PDE1A: variants seen among roughly 807,000 people sequenced by gnomAD.
The protein encoded by PDE1A is dual specificity calcium/calmodulin-dependent 3',5'-cyclic nucleotide phosphodiesterase 1A.
In PDE1A, 35 loss-of-function variants were observed where a neutral mutation model predicts 61.7. The ratio of observed to expected loss-of-function variants is 0.57; its 90% CI spans 0.43 to 0.75. The LOEUF is 0.75. Ranked by LOEUF, PDE1A falls within the 30% of genes least tolerant of loss-of-function variation. The probability of loss-of-function intolerance (pLI) is 0.00; values close to 1 mark genes in which losing one functional copy is unlikely to be tolerated. For missense variants in PDE1A, 597 were observed against 630.6 expected (o/e 0.95, Z 0.57); for synonymous variants, 232 against 213.2 (o/e 1.09, Z -0.77).
the PDE1A span, among the ~76,000 whole-genome samples, chr2:182,617,889 C>T: frequency 6.6e-6 from 1 of 152,190 alleles, no homozygotes; most frequent in South Asian, 2.1e-4. Context: ...TCTCTTAAGA[C>T]CTTACACCCA....
intron 1 of PDE1A, among the ~76,000 whole-genome samples, chr2:182,311,865 G>A (rs1695998120): frequency 6.6e-6 from 1 of 152,110 alleles, no homozygotes; most frequent in African/African-American, 2.4e-5. Context: ...TTTTCCCAAA[G>A]TGACTGTACT....
chr2:182,597,599 C>A, the PDE1A span, among the ~76,000 whole-genome samples: 1 of 152,104 alleles, frequency 6.6e-6, no homozygotes, highest in South Asian at 2.1e-4. Context: ...TTCCACAATA[C>A]CCACCTCGTA....
At chr2:182,273,594 G>A (rs1693193790) in intron 1 of PDE1A, among the ~76,000 whole-genome samples, 2 of 152,168 alleles carry the variant, frequency 1.3e-5, no homozygotes, top group African/African-American at 4.8e-5. Context: ...AGTGAAAAGA[G>A]AAAGAGAAAT....
intron 13 of PDE1A, among the ~76,000 whole-genome samples, chr2:182,184,654 G>T (rs181390521): frequency 6.6e-6 from 1 of 152,186 alleles, no homozygotes; most frequent in Admixed American, 6.5e-5. Context: ...ATATCATAAG[G>T]GTAAATATGT....
intron 2 of PDE1A, among the ~76,000 whole-genome samples, chr2:182,437,384 T>C (rs1446345144): frequency 6.6e-6 from 1 of 151,952 alleles, no homozygotes; most frequent in East Asian, 1.9e-4. Context: ...TAAAACTCTC[T>C]ACCTTTTCTC....
chr2:182,392,725 G>T (rs1331622592), intron 1 of PDE1A, among the ~76,000 whole-genome samples: 1 of 152,266 alleles, frequency 6.6e-6, no homozygotes, highest in East Asian at 1.9e-4. Flanking sequence ...GGAGAAATTG[G>T]CCAAAATGAA....
In PDE1A at chr2:182,351,232, A is replaced by G. The variant is rs371964511; in HGVS notation, c.53+75346T>C. 9.8e-5 allele frequency among the ~76,000 whole-genome samples: 15 copies of G among 152,320 alleles called. No homozygotes were observed. In the East Asian group the frequency reaches 2.7e-3, roughly 27 times the overall value. On this transcript the variant is annotated intron_variant, in intron 1 of 13. Coordinates refer to ENST00000351439, the Ensembl canonical transcript of PDE1A. ...TTTGTCCTCTTAGTTCATTGCTTCT[A>G]CAGCTTAACCTGTGTTTCCCAAAGT...
rs111517195 is a variant in PDE1A, at chr2:182,247,657, A to T, written c.168-7365T>A. 1.5e-3 allele frequency among the ~76,000 whole-genome samples: 224 copies of T among 152,360 alleles called. 2 individuals are homozygous for T. Among genetic ancestry groups the T allele is most frequent in the African/African-American group, 5.0e-3 (209 of 41,584 alleles). On this transcript the variant is annotated intron_variant, in intron 2 of 13. Transcript: ENST00000351439. Reference sequence around the variant, plus strand: ...GCTAGACAGTGCAGGAACAAAAACTATAATGTAATATGGACTAGTCATTGT... The same window carrying T: ...GCTAGACAGTGCAGGAACAAAAACTTTAATGTAATATGGACTAGTCATTGT...
chr2:182,540,385 A>AG, the PDE1A span, among the ~76,000 whole-genome samples: 1 of 50,632 alleles, frequency 2.0e-5, no homozygotes, highest in African/African-American at 5.3e-5. Flanking sequence ...AAAAAAAAAA[A>AG]GCAGCAGCAG....
At chr2:182,406,984 C>G (rs1702334262) in intron 1 of PDE1A, among the ~76,000 whole-genome samples, 1 of 151,980 alleles carries the variant, frequency 6.6e-6, no homozygotes. Flanking sequence ...TTTAAATATT[C>G]ATGTTCAGTA....
At chr2:182,157,998 AC>A (rs1478883197) in intron 13 of PDE1A, among the ~76,000 whole-genome samples, 2 of 152,204 alleles carry the variant, frequency 1.3e-5, no homozygotes, top group Non-Finnish European at 2.9e-5. Flanking sequence ...TTGGCTTCTT[AC>A]AAAAGTCTTT....
At chr2:182,653,939 A>G in the PDE1A span, among the ~76,000 whole-genome samples, 1 of 152,174 alleles carries the variant, frequency 6.6e-6, no homozygotes, top group East Asian at 1.9e-4. Context: ...TCGTCACTAC[A>G]CATGGACCAG....
intron 1 of PDE1A, among the ~76,000 whole-genome samples, chr2:182,278,609 T>C (rs1206654922): frequency 3.3e-5 from 5 of 151,998 alleles, no homozygotes; most frequent in East Asian, 3.9e-4. Context: ...TTATGTATTA[T>C]GGACTAGACT....
intron 1 of PDE1A, among the ~76,000 whole-genome samples, chr2:182,417,812 A>T (rs567255499): frequency 2.7e-4 from 41 of 152,300 alleles, no homozygotes; most frequent in Admixed American, 2.0e-3. Flanking sequence ...AGAGTTAACG[A>T]ATCAAAATCT....
intron 4 of PDE1A, among the ~76,000 whole-genome samples, chr2:182,233,804 CA>C (rs1689777147): frequency 6.6e-6 from 1 of 151,350 alleles, no homozygotes; most frequent in Admixed American, 6.6e-5. Context: ...CACACACACA[CA>C]CACACACACA....
At chr2:182,388,168 A>T (rs1196784657) in intron 1 of PDE1A, among the ~76,000 whole-genome samples, 1 of 152,216 alleles carries the variant, frequency 6.6e-6, no homozygotes, top group Admixed American at 6.5e-5. Context: ...ACATTGTAGC[A>T]CTTAAATATA....
chr2:182,154,310 T>C (rs1429782000), intron 13 of PDE1A, among the ~76,000 whole-genome samples: 1 of 152,156 alleles, frequency 6.6e-6, no homozygotes, highest in Non-Finnish European at 1.5e-5. Context: ...AAACAAAAAA[T>C]CCTGAGGTGC....
At position 182,292,020 on chromosome 2, in the gene PDE1A, TA is replaced by T. The variant is rs1253118307; in HGVS notation, c.54-27607del. On this transcript the variant is annotated intron_variant, in intron 1 of 13. Transcript: ENST00000351439. Reference sequence around the variant, plus strand: ...TAAAAAATGACGTATTTCTTGGTTTTAAAAAAGAAGACTAGTAGTATAGTAT... The same window carrying T: ...TAAAAAATGACGTATTTCTTGGTTTTAAAAAGAAGACTAGTAGTATAGTAT... Among the ~76,000 whole-genome samples, 3 of 152,090 alleles carry T rather than the reference TA, an allele frequency of 2.0e-5. No individual in the cohort carries two copies. The South Asian group carries it at 6.2e-4, about 31-fold the overall frequency.
At position 182,183,222 on chromosome 2, in the gene PDE1A, T is replaced by C. The variant is rs73041878; in HGVS notation, c.1516+2670A>G. Among the ~76,000 whole-genome samples, 1,103 of 152,302 alleles carry C rather than the reference T, an allele frequency of 7.2e-3. 11 individuals are homozygous for C. Among genetic ancestry groups the C allele is most frequent in the African/African-American group, 0.024 (1,010 of 41,570 alleles). ...ATAGTGATGTAAAGAAGTCGAGTTT[T>C]TTCTCTTCATGAAAAAGCAAGTGTA... On this transcript the variant is annotated intron_variant, in intron 13 of 13. Coordinates refer to ENST00000351439, the Ensembl canonical transcript of PDE1A.
Sources: gnomAD v4.1 joint callset for allele counts (sites outside exome capture counted in the v4.1 genomes callset) on GRCh38, gnomAD v4.1.1 for gene constraint, MANE v1.5 for transcripts, NCBI Gene and HGNC (gene_info 2026-07-23, HGNC 2026-07-21) for gene names.